The following ADAMTS16 variants were observed in gnomAD, a reference collection of about 807,000 sequenced individuals.
The protein encoded by ADAMTS16 is A disintegrin and metalloproteinase with thrombospondin motifs 16.
Under a neutral mutation model 145.8 loss-of-function variants are expected in ADAMTS16, and 94 were observed. The ratio of observed to expected loss-of-function variants is 0.64; its 90% confidence interval spans 0.55 to 0.77. The LOEUF is 0.77. Among genes scored for constraint, ADAMTS16 ranks in the 30% least tolerant of loss-of-function variants. ADAMTS16 has a pLI of 0.00. For synonymous variants in ADAMTS16, 659 were observed against 604.3 expected, an observed-to-expected ratio of 1.09 and a Z score of -1.33; for missense variants, 1,585 against 1,591.5, an observed-to-expected ratio of 1.00 and a Z score of 0.07.
rs371725711 is a variant in ADAMTS16 at position 5,288,583 on chromosome 5, T to C, written c.2790-14685T>C. 6.6e-5 allele frequency among the ~76,000 whole-genome samples: 10 copies of C among 152,288 alleles called. No homozygotes were observed. In the South Asian group the frequency reaches 1.7e-3, roughly 25 times the overall value. ...GCCAGAAAGTAGAAATACACAACTT[T>C]TACCAGGAGTAATGAATTCTTTACT... On this transcript the variant is annotated intron_variant, in intron 18 of 22. Transcript: ENST00000274181.
At chr5:5,171,817 T>C (rs1735049616) in intron 3 of ADAMTS16, among the ~76,000 whole-genome samples, 1 of 152,174 alleles carries the variant, frequency 6.6e-6, no homozygotes. Context: ...CCTCCTCCTC[T>C]GTTTTTCAGA....
At chr5:5,318,318 G>T in intron 22 of ADAMTS16, 37 bp downstream of exon 22, 2 of 1,370,300 alleles carry the variant, frequency 1.5e-6, no homozygotes, top group Non-Finnish European at 9.5e-7. Context: ...ACCTGGGCAT[G>T]GGGCTGGAAT....
At chr5:5,201,104 A>C in intron 9 of ADAMTS16, among the ~76,000 whole-genome samples, 1 of 152,188 alleles carries the variant, frequency 6.6e-6, no homozygotes, top group East Asian at 1.9e-4. Flanking sequence ...TCAGAGACCC[A>C]GGTTTCTTCC....
intron 3 of ADAMTS16, among the ~76,000 whole-genome samples, chr5:5,157,106 C>CTTT (rs890703900): frequency 6.9e-6 from 1 of 143,952 alleles, no homozygotes. Context: ...AAGAGTTTAA[C>CTTT]TTTTTTTTTT....
At chr5:5,179,288 G>A (rs936648316) in intron 3 of ADAMTS16, among the ~76,000 whole-genome samples, 2 of 151,892 alleles carry the variant, frequency 1.3e-5, no homozygotes, top group East Asian at 1.9e-4. Flanking sequence ...AACCTGCAGG[G>A]GAGATGCTGA....
chr5:5,246,177 C>T (rs1459971195), intron 17 of ADAMTS16, among the ~76,000 whole-genome samples: 1 of 152,124 alleles, frequency 6.6e-6, no homozygotes, highest in Non-Finnish European at 1.5e-5. Flanking sequence ...CAATGTATTC[C>T]AAATCACTAA....
intron 17 of ADAMTS16, among the ~76,000 whole-genome samples, chr5:5,261,413 C>T (rs1738016840): frequency 1.3e-5 from 2 of 151,976 alleles, no homozygotes; most frequent in South Asian, 4.1e-4. Context: ...GCTGGGATTA[C>T]AAGTGCGAGC....
chr5:5,296,192 T>C (rs1361196591), intron 18 of ADAMTS16, among the ~76,000 whole-genome samples: 3 of 152,212 alleles, frequency 2.0e-5, no homozygotes, highest in Non-Finnish European at 4.4e-5. Context: ...CTTCCATGAC[T>C]TTGCACTCAC....
intron 21 of ADAMTS16, among the ~76,000 whole-genome samples, chr5:5,308,380 G>C (rs1740273919): frequency 6.6e-6 from 1 of 152,194 alleles, no homozygotes; most frequent in South Asian, 2.1e-4. Flanking sequence ...AGAAGTCCGT[G>C]CTTGGCCTCT....
At chr5:5,153,944 A>G (rs939025779) in intron 3 of ADAMTS16, among the ~76,000 whole-genome samples, 1 of 152,128 alleles carries the variant, frequency 6.6e-6, no homozygotes, top group Non-Finnish European at 1.5e-5. Context: ...ACTTGATTTG[A>G]CACTTATTCA....
chr5:5,241,468 C>T (rs1006508796), intron 16 of ADAMTS16, among the ~76,000 whole-genome samples: 10 of 152,212 alleles, frequency 6.6e-5, no homozygotes, highest in Non-Finnish European at 1.3e-4. Context: ...CATCTCTCCC[C>T]ATAGAAAGTG....
intron 3 of ADAMTS16, among the ~76,000 whole-genome samples, chr5:5,147,270 G>A (rs755387890): frequency 7.9e-5 from 12 of 152,186 alleles, no homozygotes; most frequent in Non-Finnish European, 1.2e-4. Context: ...AGACAGCAGA[G>A]TGAAAATGTG....
intron 17 of ADAMTS16, among the ~76,000 whole-genome samples, chr5:5,258,699 G>A (rs138770634): frequency 6.6e-6 from 1 of 152,194 alleles, no homozygotes; most frequent in East Asian, 1.9e-4. Context: ...AGAGGACATA[G>A]GAGAGGTTGC....
At chr5:5,200,934 A>C (rs934678170) in intron 9 of ADAMTS16, among the ~76,000 whole-genome samples, 1 of 152,228 alleles carries the variant, frequency 6.6e-6, no homozygotes, top group Non-Finnish European at 1.5e-5. Context: ...CAGAGAAATG[A>C]GGAACTTTAT....
In ADAMTS16 at chr5:5,239,154, G is replaced by T; in HGVS notation, c.2158G>T (p.Val720Phe). ...NVCIDGICER[V>F]GCDNVLGSDA... ...TGTGACCTCATGGGCCCTCCAGAGA[G>T]TTGGATGTGACAATGTCCTTGGATC... The change falls in exon 15 of 23, where the codon GTT becomes TTT. Residue 720 changes from valine to phenylalanine, a missense_variant. Val to Phe is a conservative substitution (Grantham distance 50, BLOSUM62 -1). Transcript: ENST00000274181. 2 of 1,553,446 alleles carry T rather than the reference G, an allele frequency of 1.3e-6. No individual in the cohort carries two copies. Among genetic ancestry groups the T allele is most frequent in the South Asian group, 1.3e-5 (1 of 79,984 alleles).
intron 3 of ADAMTS16, among the ~76,000 whole-genome samples, chr5:5,149,131 A>G (rs1271026135): frequency 2.0e-5 from 3 of 152,194 alleles, no homozygotes; most frequent in Non-Finnish European, 4.4e-5. Context: ...CCCAAGTATA[A>G]TATATTCAAT....
At chr5:5,251,306 T>C (rs981296674) in intron 17 of ADAMTS16, among the ~76,000 whole-genome samples, 2 of 152,184 alleles carry the variant, frequency 1.3e-5, no homozygotes, top group African/African-American at 4.8e-5. Context: ...TATCCTTCAT[T>C]TGCAGAGAGT....
chr5:5,309,858 A>T (rs1050579753), intron 21 of ADAMTS16, among the ~76,000 whole-genome samples: 1 of 121,456 alleles, frequency 8.2e-6, no homozygotes, highest in Non-Finnish European at 1.7e-5. Context: ...GTGTGTGTGC[A>T]TGTGATCAGA....
At chr5:5,207,428 G>A (rs894220420) in intron 9 of ADAMTS16, among the ~76,000 whole-genome samples, 1 of 152,120 alleles carries the variant, frequency 6.6e-6, no homozygotes. Context: ...AGTTCCAGGA[G>A]TTGCTTGGTG....
Sources: gnomAD v4.1 joint callset for allele counts (sites outside exome capture counted in the v4.1 genomes callset) on GRCh38, gnomAD v4.1.1 for gene constraint, MANE v1.5 for transcripts, NCBI Gene and HGNC (gene_info 2026-07-23, HGNC 2026-07-21) for gene names.